The following CCDC181 variants were observed in gnomAD, a reference collection of about 807,000 sequenced individuals.
CCDC181 encodes coiled-coil domain-containing protein 181.
A neutral mutation model predicts 58.7 loss-of-function variants in CCDC181; 35 were observed. That is an observed-to-expected ratio of 0.60 (90% CI 0.46 to 0.79). The LOEUF is 0.79. Ranked by LOEUF, CCDC181 falls within the 30% of genes least tolerant of loss-of-function variation. The pLI is 0.00. For missense variants in CCDC181, 517 were observed against 583.9 expected (o/e 0.89, Z 1.18); for synonymous variants, 183 against 197.5 (o/e 0.93, Z 0.62).
At position 169,394,977 on chromosome 1, in the gene CCDC181, A is replaced by G; in HGVS notation, c.*70T>C. 1 of 1,360,764 alleles carries G rather than the reference A, an allele frequency of 7.3e-7. No homozygotes were observed. The allele number at this position is 1,360,764 out of a possible 1,614,324, so 84.3% of individuals were successfully genotyped here. On this transcript the variant is annotated 3_prime_UTR_variant, in exon 6 of 6. Transcript: ENST00000367806. ...CCATAATTTAGAATACAACCAAAGTACACAGACCCTAAGAAATCATATCCA... is the reference window on the plus strand; with the variant it reads ...CCATAATTTAGAATACAACCAAAGTGCACAGACCCTAAGAAATCATATCCA...
chr1:169,416,222 G>T (rs1248743380), intron 4 of CCDC181, among the ~76,000 whole-genome samples: 1 of 152,154 alleles, frequency 6.6e-6, no homozygotes, highest in African/African-American at 2.4e-5. Context: ...TCCCTTTGCT[G>T]GGGGTAGGGG....
intron 4 of CCDC181, among the ~76,000 whole-genome samples, chr1:169,401,237 A>G (rs1655329494): frequency 6.6e-6 from 1 of 152,336 alleles, no homozygotes; most frequent in East Asian, 1.9e-4. Context: ...ACACAGCTGA[A>G]CAAAAGGCAG....
intron 4 of CCDC181, among the ~76,000 whole-genome samples, chr1:169,403,396 C>T (rs1159390848): frequency 6.6e-6 from 1 of 152,218 alleles, no homozygotes; most frequent in Non-Finnish European, 1.5e-5. Flanking sequence ...CCAAAATTGA[C>T]CACATAGGTG....
At chr1:169,424,361 A>G (rs1656622378) in intron 2 of CCDC181, among the ~76,000 whole-genome samples, 1 of 151,908 alleles carries the variant, frequency 6.6e-6, no homozygotes, top group Non-Finnish European at 1.5e-5. Context: ...AGAAGAGCTA[A>G]TTCAGTCTTA....
intron 4 of CCDC181, among the ~76,000 whole-genome samples, chr1:169,409,369 T>C (rs982114414): frequency 2.6e-5 from 4 of 152,140 alleles, no homozygotes; most frequent in Admixed American, 1.3e-4. Flanking sequence ...AAACTTGGCC[T>C]CCAAGAAATA....
intron 2 of CCDC181, among the ~76,000 whole-genome samples, chr1:169,459,346 A>AGAT: frequency 6.6e-6 from 1 of 152,184 alleles, no homozygotes; most frequent in Non-Finnish European, 1.5e-5. Context: ...TGATTTCTCG[A>AGAT]GATGATTTTT....
At chr1:169,447,896 G>T (rs551716322) in intron 2 of CCDC181, among the ~76,000 whole-genome samples, 19 of 151,982 alleles carry the variant, frequency 1.3e-4, no homozygotes, top group Admixed American at 2.6e-4. Flanking sequence ...TATTTAAAGT[G>T]GGCTTTTTGT....
In CCDC181 at chr1:169,422,038, A is replaced by G; in HGVS notation, c.393T>C (p.Ile131=). ...TCTGTAGAAGCTTGTTAGCTTGTACAATTTTCTCCATAATATATCTCCTTA... is the reference window on the plus strand; with the variant it reads ...TCTGTAGAAGCTTGTTAGCTTGTACGATTTTCTCCATAATATATCTCCTTA... ...EEVRRYIMEK[I]VQANKLLQNQ... Residue 131 remains isoleucine (I), a synonymous_variant, in exon 3 of 6, where the codon ATT becomes ATC. Coordinates refer to ENST00000367806, the MANE Select transcript of CCDC181 (RefSeq NM_001300969.2). 1 of 1,614,082 alleles carries G rather than the reference A, an allele frequency of 6.2e-7. No individual in the cohort carries two copies. Among genetic ancestry groups the G allele is most frequent in the South Asian group, 1.1e-5 (1 of 91,082 alleles).
chr1:169,431,705 G>A (rs1051290826), upstream of CCDC181, among the ~76,000 whole-genome samples: 4 of 152,150 alleles, frequency 2.6e-5, no homozygotes, highest in Admixed American at 2.6e-4. Flanking sequence ...CTAGCAGGCA[G>A]TCTGTATTAC....
At chr1:169,445,539 A>C (rs78277513) in intron 2 of CCDC181, among the ~76,000 whole-genome samples, 9,045 of 152,190 alleles carry the variant, frequency 0.059, 349 homozygotes, top group East Asian at 0.12. Context: ...GATTTGATTC[A>C]CTAATCTTGT....
At chr1:169,440,255 C>T (rs1269397197) in intron 2 of CCDC181, among the ~76,000 whole-genome samples, 2 of 152,198 alleles carry the variant, frequency 1.3e-5, no homozygotes, top group East Asian at 3.9e-4. Context: ...TTGGGCTGAC[C>T]TCTGGATCCA....
chr1:169,436,308 T>C (rs201947203), intron 2 of CCDC181, among the ~76,000 whole-genome samples: 2 of 152,242 alleles, frequency 1.3e-5, no homozygotes, highest in African/African-American at 2.4e-5. Context: ...GTGGAAACTT[T>C]CGTTCACAGA....
upstream of CCDC181, among the ~76,000 whole-genome samples, chr1:169,429,426 A>G (rs1306704470): frequency 6.6e-6 from 1 of 152,180 alleles, no homozygotes; most frequent in Non-Finnish European, 1.5e-5. Flanking sequence ...TCACCAGTAT[A>G]AAAGTGTTCC....
chr1:169,429,700 A>G (rs1656854954), upstream of CCDC181, among the ~76,000 whole-genome samples: 1 of 152,140 alleles, frequency 6.6e-6, no homozygotes, highest in African/African-American at 2.4e-5. Flanking sequence ...GATTGTGGAT[A>G]TTAGTCCTTA....
intron 4 of CCDC181, among the ~76,000 whole-genome samples, chr1:169,399,345 T>A (rs2102040533): frequency 6.6e-6 from 1 of 152,294 alleles, no homozygotes; most frequent in Non-Finnish European, 1.5e-5. Context: ...ACCAACATAA[T>A]TTGCTCAAAA....
chr1:169,396,090 A>G (rs1057418609), intron 5 of CCDC181: 1 of 152,200 alleles, frequency 6.6e-6, no homozygotes, highest in Admixed American at 6.5e-5. Context: ...GAAATACAGT[A>G]TGATCTCAGT....
intron 4 of CCDC181, among the ~76,000 whole-genome samples, chr1:169,411,620 A>G (rs896136576): frequency 1.1e-4 from 16 of 152,160 alleles, no homozygotes; most frequent in African/African-American, 3.6e-4. Context: ...GATGAACATC[A>G]ATGTGAAAAT....
At chr1:169,410,537 C>T (rs905210118) in intron 4 of CCDC181, among the ~76,000 whole-genome samples, 4 of 152,116 alleles carry the variant, frequency 2.6e-5, no homozygotes, top group East Asian at 1.9e-4. Flanking sequence ...CTGGACCAAG[C>T]GGACCTAATA....
intron 4 of CCDC181, among the ~76,000 whole-genome samples, chr1:169,411,777 C>T (rs867728674): frequency 6.6e-6 from 1 of 152,098 alleles, no homozygotes; most frequent in African/African-American, 2.4e-5. Flanking sequence ...ATGACAAAAA[C>T]CACACAATTA....
Sources: allele counts gnomAD v4.1 joint callset (sites outside exome capture counted in the v4.1 genomes callset), GRCh38; gene constraint gnomAD v4.1.1; transcripts MANE v1.5; gene names NCBI Gene and HGNC (gene_info 2026-07-23, HGNC 2026-07-21).